FBXL4: variants seen among roughly 807,000 people sequenced by gnomAD.
FBXL4 encodes F-box/LRR-repeat protein 4.
FBXL4 carries 40 observed loss-of-function variants against 58.9 expected under a neutral mutation model. The ratio of observed to expected loss-of-function variants is 0.68; its 90% CI spans 0.53 to 0.88. FBXL4 has a LOEUF of 0.88. Ranked by LOEUF, FBXL4 falls within the 40% of genes least tolerant of loss-of-function variation. FBXL4 has a pLI of 0.00. For missense variants in FBXL4, 676 were observed against 734.4 expected, an observed-to-expected ratio of 0.92 and a Z score of 0.92; for synonymous variants, 263 against 265.5, an observed-to-expected ratio of 0.99 and a Z score of 0.09.
At chr6:98,885,452 A>G (rs1771005359) in intron 7 of FBXL4, among the ~76,000 whole-genome samples, 1 of 151,396 alleles carries the variant, frequency 6.6e-6, no homozygotes, top group African/African-American at 2.5e-5. Flanking sequence ...CATTTAAATC[A>G]GTAGACTGAA....
intron 4 of FBXL4, among the ~76,000 whole-genome samples, chr6:98,926,015 A>C (rs1442294182): frequency 1.3e-5 from 2 of 152,200 alleles, no homozygotes; most frequent in East Asian, 3.8e-4. Context: ...TGATTTTTAA[A>C]TGAATATGGG....
At chr6:98,888,452 C>A (rs1019001827) in intron 7 of FBXL4, among the ~76,000 whole-genome samples, 1 of 152,162 alleles carries the variant, frequency 6.6e-6, no homozygotes, top group African/African-American at 2.4e-5. Flanking sequence ...CTAGAACACA[C>A]AAATGGATGG....
At chr6:98,881,432 A>T (rs1770849819) in intron 7 of FBXL4, among the ~76,000 whole-genome samples, 1 of 152,094 alleles carries the variant, frequency 6.6e-6, no homozygotes, top group Admixed American at 6.6e-5. Context: ...AACTATTCAA[A>T]CTTACATGGC....
chr6:98,882,850 T>C (rs1019981340), intron 7 of FBXL4, among the ~76,000 whole-genome samples: 2 of 152,082 alleles, frequency 1.3e-5, no homozygotes, highest in East Asian at 3.8e-4. Context: ...TCTCATTTGA[T>C]TGATATTTAG....
chr6:98,878,965 A>G (rs1470070112), intron 8 of FBXL4, among the ~76,000 whole-genome samples: 1 of 152,166 alleles, frequency 6.6e-6, no homozygotes, highest in Non-Finnish European at 1.5e-5. Context: ...GTGGGCTCCC[A>G]AGACTGTTTC....
intron 9 of FBXL4, 60 bp from the exon 10 acceptor site, chr6:98,874,501 T>C: frequency 1.3e-6 from 2 of 1,509,324 alleles, no homozygotes; most frequent in Non-Finnish European, 1.8e-6. Flanking sequence ...ATTTATATAA[T>C]GTGCTAACAA....
intron 7 of FBXL4, among the ~76,000 whole-genome samples, chr6:98,885,107 G>GTGTT (rs1184755472): frequency 6.6e-6 from 1 of 152,066 alleles, no homozygotes; most frequent in Non-Finnish European, 1.5e-5. Context: ...ATAATTCTGG[G>GTGTT]TGTTTGTTTG....
In FBXL4 at chr6:98,872,277, A is replaced by G. The variant is rs892299979; in HGVS notation, c.*2001T>C. On this transcript the variant is annotated 3_prime_UTR_variant, in exon 10 of 10. Transcript: ENST00000369244. ...TTGGAAGTGATTAAGCTGCAATGTA[A>G]TAACATGCTAAAAGGAAAATATCCA... The G allele has an allele frequency of 3.9e-5, 6 of 152,250 alleles. No homozygotes were observed. The highest frequency in any genetic ancestry group is 1.5e-5 in the Non-Finnish European group (1 of 68,046). The allele number at this position is 152,250 out of a possible 1,614,324, so 9.4% of individuals were successfully genotyped here.
chr6:98,899,430 G>A lies in FBXL4; in HGVS notation c.1155C>T (p.Ser385=). 2 of 1,613,878 alleles carry A rather than the reference G, an allele frequency of 1.2e-6. No individual in the cohort carries two copies. The highest frequency in any genetic ancestry group is 1.7e-6 in the Non-Finnish European group (2 of 1,179,912). ...SELVRLELSC[S]HFLNETCLEV... The stretch of plus-strand genomic sequence containing the variant: ...CTAAGCAAGTTTCATTAAGAAAGTG[G>A]CTGCAAGACAATTCAAGGCGTACTA... Residue 385 remains serine (S), a synonymous_variant, in exon 7 of 10, where the codon AGC becomes AGT. Transcript: ENST00000369244.
At position 98,875,466 on chromosome 6, in the gene FBXL4, T is replaced by C; in HGVS notation, c.1651A>G (p.Ile551Val). The C allele has an allele frequency of 1.2e-6, 2 of 1,614,100 alleles. No homozygotes were observed. Among genetic ancestry groups the C allele is most frequent in the Non-Finnish European group, 1.7e-6 (2 of 1,179,942 alleles). The change falls in exon 9 of 10, where the codon ATT (isoleucine) becomes GTT (valine). Residue 551 changes from isoleucine (I) to valine (V), a missense_variant. By Grantham distance (29) the Ile-to-Val change is conservative (BLOSUM62 3). Coordinates refer to ENST00000369244, the MANE Select transcript of FBXL4 (RefSeq NM_001278716.2). ...GTACAATTACATGCCAATTCATCAA[T>C]GTCTGTGTCACACACAGATCTATTA... The part of the protein sequence containing the change: ...TANRSVCDTD[I>V]DELACNCTRL...
chr6:98,897,588 T>C (rs961933341), intron 7 of FBXL4, among the ~76,000 whole-genome samples: 5 of 152,158 alleles, frequency 3.3e-5, no homozygotes, highest in African/African-American at 1.2e-4. Flanking sequence ...TATAACAAAA[T>C]ACCTGAGGGT....
intron 7 of FBXL4, among the ~76,000 whole-genome samples, chr6:98,891,703 A>C (rs530097826): frequency 8.8e-5 from 13 of 147,878 alleles, no homozygotes; most frequent in Middle Eastern, 3.4e-3. Context: ...TGAGAAACAC[A>C]GTGAGACCCT....
intron 5 of FBXL4, among the ~76,000 whole-genome samples, chr6:98,911,008 G>A (rs761480718): frequency 5.3e-5 from 8 of 152,168 alleles, no homozygotes; most frequent in Non-Finnish European, 7.4e-5. Flanking sequence ...CTTAGGAAAC[G>A]GCGCACCAGG....
chr6:98,923,643 A>G (rs1772667560), intron 4 of FBXL4, among the ~76,000 whole-genome samples: 1 of 152,068 alleles, frequency 6.6e-6, no homozygotes, highest in Non-Finnish European at 1.5e-5. Flanking sequence ...CCCTCTGCCA[A>G]TACATGTTCC....
At chr6:98,910,170 C>G (rs1445978638) in intron 5 of FBXL4, among the ~76,000 whole-genome samples, 1 of 152,124 alleles carries the variant, frequency 6.6e-6, no homozygotes, top group East Asian at 1.9e-4. Flanking sequence ...CAGTGGGAGA[C>G]AGAAATGCTT....
chr6:98,938,730 T>C (rs1240182859), intron 1 of FBXL4, among the ~76,000 whole-genome samples: 1 of 152,126 alleles, frequency 6.6e-6, no homozygotes, highest in Non-Finnish European at 1.5e-5. Context: ...ACTTCTTTAA[T>C]AATAAATGTC....
chr6:98,941,222 C>T (rs1301944322), intron 1 of FBXL4, among the ~76,000 whole-genome samples: 1 of 148,004 alleles, frequency 6.8e-6, no homozygotes, highest in Non-Finnish European at 1.5e-5. Flanking sequence ...TGAGTTACTA[C>T]TCAGGAAAAA....
chr6:98,918,615 C>T (rs1424467529), intron 4 of FBXL4, among the ~76,000 whole-genome samples: 1 of 152,060 alleles, frequency 6.6e-6, no homozygotes, highest in Non-Finnish European at 1.5e-5. Context: ...TGTCAGTTAA[C>T]TATTTCTCTA....
rs559903813 is a variant in FBXL4, at chr6:98,871,390, T to G, written c.*2888A>C. ...GTTACTGACACTGCCTAGTTATTGC[T>G]TATTTGATAAGTCAATGCCAACGTT... On this transcript the variant is annotated 3_prime_UTR_variant, in exon 10 of 10. Coordinates refer to ENST00000369244, the MANE Select transcript of FBXL4 (RefSeq NM_001278716.2). The G allele has an allele frequency of 4.2e-4, 64 of 152,342 alleles. 1 individual carries two copies. The highest frequency in any genetic ancestry group is 1.5e-3 in the African/African-American group (64 of 41,586). The allele number at this position is 152,342 out of a possible 1,614,324, so 9.4% of individuals were successfully genotyped here. A position where few individuals can be genotyped will look rare whatever the true frequency, so the allele number is the denominator to read the frequency against.
Sources: gnomAD v4.1 joint callset for allele counts (sites outside exome capture counted in the v4.1 genomes callset) on GRCh38, gnomAD v4.1.1 for gene constraint, MANE v1.5 for transcripts, NCBI Gene and HGNC (gene_info 2026-07-23, HGNC 2026-07-21) for gene names.